Variants in P2RX4 observed in about 807,000 individuals in gnomAD.
The protein encoded by P2RX4 is purinergic receptor P2X 4.
Under a neutral mutation model 48.0 loss-of-function variants are expected in P2RX4, and 37 were observed. That is an observed-to-expected ratio of 0.77 (90% CI 0.59 to 1.01). The LOEUF (loss-of-function observed/expected upper bound fraction) is 1.01. Ranked by LOEUF, P2RX4 falls within the 50% of genes least tolerant of loss-of-function variation. P2RX4 has a pLI of 0.00. For missense variants in P2RX4, 501 were observed against 521.4 expected (o/e 0.96, Z 0.38); for synonymous variants, 200 against 199.7 (o/e 1.00, Z -0.01).
intron 1 of P2RX4, chr12:121,215,224 CATT>C (rs1886149265): frequency 6.6e-6 from 1 of 152,148 alleles, no homozygotes; most frequent in Non-Finnish European, 1.5e-5. Context: ...GACTCACAAA[CATT>C]GTTGTAAACA....
intron 8 of P2RX4, among the ~76,000 whole-genome samples, chr12:121,230,142 C>T (rs1887245088): frequency 6.6e-6 from 1 of 152,338 alleles, no homozygotes; most frequent in South Asian, 2.1e-4. Context: ...GTGACTCACA[C>T]CTGTAATCCT....
intron 4 of P2RX4, 92 bp from the exon 5 acceptor site, chr12:121,222,847 CATGGGAGG>C: frequency 7.0e-7 from 1 of 1,430,416 alleles, no homozygotes; most frequent in South Asian, 1.2e-5. Context: ...AGACTGGCTG[CATGGGAGG>C]CTGGATGGGG....
chr12:121,212,818 A>ATTTTTTTTTTTT (rs1392673928), intron 1 of P2RX4: 4 of 31,802 alleles, frequency 1.3e-4, no homozygotes, highest in African/African-American at 5.9e-4. Flanking sequence ...ATATATATAT[A>ATTTTTTTTTTTT]TATATATTTT....
intron 7 of P2RX4, 41 bp downstream of exon 7, chr12:121,228,907 C>T (rs780376619): frequency 1.2e-5 from 19 of 1,614,004 alleles, no homozygotes; most frequent in Admixed American, 3.3e-5. Flanking sequence ...GCCCTGGAGG[C>T]GTCTCGTGCC....
chr12:121,214,244 G>A (rs900109954), intron 1 of P2RX4: 1 of 152,054 alleles, frequency 6.6e-6, no homozygotes, highest in African/African-American at 2.4e-5. Context: ...TTATGGGACA[G>A]CGCAGCTCTG....
intron 1 of P2RX4, 129 bp downstream of exon 1, chr12:121,210,427 T>C (rs1411885482): frequency 1.1e-5 from 10 of 908,352 alleles, no homozygotes; most frequent in Middle Eastern, 3.9e-4. Flanking sequence ...ACACCTTCCC[T>C]GGGCCCCAGC....
In P2RX4 at chr12:121,221,945, G is replaced by C. The variant is rs1886640054; in HGVS notation, c.315G>C (p.Val105=). 3 of 1,614,096 alleles carry C rather than the reference G, an allele frequency of 1.9e-6. No individual in the cohort carries two copies. The highest frequency in any genetic ancestry group is 2.5e-6 in the Non-Finnish European group (3 of 1,180,050). The change falls in exon 3 of 12, where the codon GTG becomes GTC. Residue 105 remains valine, a synonymous_variant. Coordinates refer to ENST00000337233, the MANE Select transcript of P2RX4 (RefSeq NM_002560.3). The part of the protein sequence containing the change: ...EENSLFVMTN[V]ILTMNQTQGL... ...ACTCCCTCTTCGTCATGACCAACGT[G>C]ATCCTCACCATGAACCAGACACAGG... is the stretch of plus-strand genomic sequence containing the variant.
chr12:121,227,756 C>A (rs981748282), intron 5 of P2RX4, among the ~76,000 whole-genome samples: 1 of 152,026 alleles, frequency 6.6e-6, no homozygotes, highest in Non-Finnish European at 1.5e-5. Context: ...ATCTTCTTGA[C>A]AAAATGACAT....
At position 121,223,043 on chromosome 12, in the gene P2RX4, A is replaced by C. The variant is rs1886745287; in HGVS notation, c.524A>C (p.Gln175Pro). 1 of 1,587,950 alleles carries C rather than the reference A, an allele frequency of 6.3e-7. No homozygotes were observed. Among genetic ancestry groups the C allele is most frequent in the Non-Finnish European group, 8.6e-7 (1 of 1,156,242 alleles). Residue 175 changes from glutamine to proline, a missense_variant and splice_region_variant, in exon 5 of 12, where the codon CAA becomes CCA. Transcript: ENST00000337233. ...CPVEDDTHVP[Q>P]PAFLKAAENF... ...GTGGAGGATGACACACACGTGCCAC[A>C]GTGAGTCCAGCCCTAGGGAAGGAAG...
intron 1 of P2RX4, among the ~76,000 whole-genome samples, chr12:121,211,574 T>C (rs1885853695): frequency 6.6e-6 from 1 of 152,162 alleles, no homozygotes; most frequent in Admixed American, 6.5e-5. Flanking sequence ...TTACCTGGGG[T>C]GTTCTGGTGT....
chr12:121,230,424 G>C (rs753046963), intron 8 of P2RX4, among the ~76,000 whole-genome samples: 12 of 152,212 alleles, frequency 7.9e-5, no homozygotes, highest in South Asian at 2.1e-4. Flanking sequence ...ATCCCTGGGC[G>C]CGGTCAGCGG....
chr12:121,218,811 G>T (rs150201054), intron 2 of P2RX4, among the ~76,000 whole-genome samples: 1,987 of 152,234 alleles, frequency 0.013, 24 homozygotes, highest in Middle Eastern at 0.02. Flanking sequence ...TCATCTATTT[G>T]CAGCCCCTTG....
At chr12:121,228,050 A>G (rs2567992) in intron 5 of P2RX4, among the ~76,000 whole-genome samples, 27,121 of 151,942 alleles carry the variant, frequency 0.18, 2,757 homozygotes, top group African/African-American at 0.26. Flanking sequence ...AGCTGTGTTC[A>G]TGCAACTGTA....
chr12:121,231,655 G>A (rs1347538449), intron 8 of P2RX4, among the ~76,000 whole-genome samples: 1 of 152,150 alleles, frequency 6.6e-6, no homozygotes, highest in Non-Finnish European at 1.5e-5. Flanking sequence ...CTGCTGTGTT[G>A]ACAGACGACG....
At chr12:121,226,674 C>T (rs1307070752) in intron 5 of P2RX4, among the ~76,000 whole-genome samples, 4 of 152,216 alleles carry the variant, frequency 2.6e-5, no homozygotes, top group Non-Finnish European at 4.4e-5. Flanking sequence ...AATTTCATCT[C>T]AATTTCTCTA....
intron 1 of P2RX4, chr12:121,215,442 GT>G (rs112097935): frequency 4.8e-3 from 662 of 137,104 alleles, no homozygotes; most frequent in East Asian, 0.027. Flanking sequence ...CCTGTAGATG[GT>G]TTTTTTTTTT....
Position 121,210,365 on chromosome 12 carries a change from A to G in P2RX4, c.134+67A>G, listed in dbSNP as rs1032950988. Reference sequence around the variant, plus strand: ...TCGCGTCCGCGCCGTGCGGCGGCTCATCCTGGCCTCGGTCACCTGGGCGAG... The same window carrying G: ...TCGCGTCCGCGCCGTGCGGCGGCTCGTCCTGGCCTCGGTCACCTGGGCGAG... On this transcript the variant is annotated intron_variant, in intron 1 of 11. Transcript: ENST00000337233. 30 of 1,371,250 alleles carry G rather than the reference A, an allele frequency of 2.2e-5. No individual in the cohort carries two copies. In the African/African-American group the frequency reaches 4.3e-4, roughly 20 times the overall value. The allele number at this position is 1,371,250 out of a possible 1,614,324, so 84.9% of individuals were successfully genotyped here. A position where few individuals can be genotyped will look rare whatever the true frequency, so the allele number is the denominator to read the frequency against.
At chr12:121,227,067 C>A (rs1287173203) in intron 5 of P2RX4, among the ~76,000 whole-genome samples, 1 of 151,478 alleles carries the variant, frequency 6.6e-6, no homozygotes, top group African/African-American at 2.4e-5. Flanking sequence ...GAGATCGCGG[C>A]ATTGCACTCC....
At position 121,232,486 on chromosome 12, in the gene P2RX4, C is replaced by T. The variant is rs776126041; in HGVS notation, c.957C>T (p.Phe319=). The T allele has an allele frequency of 1.7e-5, 28 of 1,613,974 alleles. No individual in the cohort carries two copies. Among genetic ancestry groups the T allele is most frequent in the Non-Finnish European group, 2.2e-5 (26 of 1,179,934 alleles). Residue 319 remains phenylalanine (F), a synonymous_variant, in exon 9 of 12, where the codon TTC becomes TTT. Coordinates refer to ENST00000337233, the MANE Select transcript of P2RX4 (RefSeq NM_002560.3). This position sits in a 1 kb window ranked among gnomAD's most constrained non-coding sequence, Gnocchi z 4.3. ...TCATCAAGGCCTATGGCATCCGCTTCGACATCATTGTGTTTGGGAAGGTAG... is the reference window on the plus strand; with the variant it reads ...TCATCAAGGCCTATGGCATCCGCTTTGACATCATTGTGTTTGGGAAGGTAG... The part of the protein sequence containing the change: ...RTLIKAYGIR[F]DIIVFGKAGK...
Sources: gnomAD v4.1 joint callset for allele counts (sites outside exome capture counted in the v4.1 genomes callset) on GRCh38, gnomAD v4.1.1 for gene constraint, Gnocchi (gnomAD v3.1) non-coding constraint, MANE v1.5 for transcripts, NCBI Gene and HGNC (gene_info 2026-07-23, HGNC 2026-07-21) for gene names.